PLEKHA1: variants seen among roughly 807,000 people sequenced by gnomAD.
The protein encoded by PLEKHA1 is pleckstrin homology domain containing A1.
In PLEKHA1, 34 loss-of-function variants were observed where a neutral mutation model predicts 52.0. The observed-to-expected ratio is 0.65, with a 90% CI of 0.50 to 0.87. The LOEUF is 0.87. PLEKHA1 is among the 40% of genes least tolerant of loss of function. PLEKHA1 has a pLI of 0.00. For synonymous variants in PLEKHA1, 163 were observed against 170.7 expected (o/e 0.95, Z 0.35); for missense variants, 497 against 504.2 (o/e 0.99, Z 0.14).
chr10:122,412,822 C>G, intron 5 of PLEKHA1, 98 bp from the exon 6 acceptor site: 1 of 1,325,598 alleles, frequency 7.5e-7, no homozygotes, highest in Non-Finnish European at 1.1e-6. Flanking sequence ...TATCTGTCAA[C>G]CGTATGCAAA....
intron 6 of PLEKHA1, among the ~76,000 whole-genome samples, chr10:122,414,377 T>C (rs552817849): frequency 6.6e-6 from 1 of 152,140 alleles, no homozygotes; most frequent in African/African-American, 2.4e-5. Context: ...TATTGCATCA[T>C]TTATTTTGTA....
intron 1 of PLEKHA1, among the ~76,000 whole-genome samples, chr10:122,389,294 CATA>C (rs1246417148): frequency 1.3e-5 from 2 of 152,232 alleles, no homozygotes; most frequent in South Asian, 4.1e-4. Flanking sequence ...GTGGAAACAA[CATA>C]ATCACCTTGC....
At chr10:122,433,064 T>G (rs1329973990), downstream of PLEKHA1, 3 of 152,176 alleles carry the variant, frequency 2.0e-5, no homozygotes, top group African/African-American at 7.2e-5. Flanking sequence ...GTCTAATCCA[T>G]TGTCAGATCC....
At chr10:122,384,017 G>C (rs949320320) in intron 1 of PLEKHA1, among the ~76,000 whole-genome samples, 2 of 151,870 alleles carry the variant, frequency 1.3e-5, no homozygotes, top group Non-Finnish European at 2.9e-5. Context: ...GTGTTGTTCT[G>C]TTCTTGGGAT....
At chr10:122,394,184 C>T (rs1424008861) in intron 2 of PLEKHA1, among the ~76,000 whole-genome samples, 1 of 143,668 alleles carries the variant, frequency 7.0e-6, no homozygotes, top group African/African-American at 2.5e-5. Context: ...AAGTGATTCT[C>T]ATGCCTCAGC....
In PLEKHA1 at chr10:122,417,969, G is replaced by T; in HGVS notation, c.681+1G>T. The T allele has an allele frequency of 1.2e-6, 2 of 1,603,308 alleles. No homozygotes were observed. Among genetic ancestry groups the T allele is most frequent in the Non-Finnish European group, 1.7e-6 (2 of 1,170,696 alleles). On this transcript the variant is annotated splice_donor_variant, in intron 8 of 11. Coordinates refer to ENST00000368990, the MANE Select transcript of PLEKHA1 (RefSeq NM_001001974.4). LOFTEE classifies it high-confidence loss of function. Reference sequence around the variant, plus strand: ...AATAGGCTACTTCAAATCTGAACTGGTATGTTGTTACGTCATAAATGTTGC... The same window carrying T: ...AATAGGCTACTTCAAATCTGAACTGTTATGTTGTTACGTCATAAATGTTGC...
intron 6 of PLEKHA1, among the ~76,000 whole-genome samples, chr10:122,413,799 G>T (rs1051935934): frequency 6.6e-6 from 1 of 152,034 alleles, no homozygotes; most frequent in Admixed American, 6.6e-5. Flanking sequence ...GAGAAACCAA[G>T]AATTTTAAAG....
intron 10 of PLEKHA1, among the ~76,000 whole-genome samples, chr10:122,426,399 G>T (rs546041359): frequency 6.6e-6 from 1 of 151,474 alleles, no homozygotes; most frequent in South Asian, 2.1e-4. Context: ...CTAGAATCTA[G>T]AAACAAGAGG....
intron 1 of PLEKHA1, among the ~76,000 whole-genome samples, chr10:122,376,237 T>G (rs2096532773): frequency 6.6e-6 from 1 of 152,116 alleles, no homozygotes; most frequent in Non-Finnish European, 1.5e-5. Context: ...TAATTTTTCC[T>G]GTTGACACAC....
At chr10:122,386,393 G>C (rs12263466) in intron 1 of PLEKHA1, among the ~76,000 whole-genome samples, 2 of 151,516 alleles carry the variant, frequency 1.3e-5, no homozygotes, top group African/African-American at 4.9e-5. Context: ...ATCATTTGCT[G>C]TCTGGATACA....
intron 11 of PLEKHA1, 79 bp from the exon 12 acceptor site, chr10:122,429,545 C>G: frequency 8.0e-7 from 1 of 1,248,120 alleles, no homozygotes; most frequent in Non-Finnish European, 1.1e-6. Context: ...ATTTGTTTTT[C>G]AGAGAATCAA....
chr10:122,386,136 C>T (rs572246206), intron 1 of PLEKHA1, among the ~76,000 whole-genome samples: 2 of 152,278 alleles, frequency 1.3e-5, no homozygotes, highest in African/African-American at 4.8e-5. Context: ...ACATCTTTGA[C>T]AGCATTTAGT....
At chr10:122,390,812 T>C (rs2133951102) in intron 1 of PLEKHA1, among the ~76,000 whole-genome samples, 1 of 122,988 alleles carries the variant, frequency 8.1e-6, no homozygotes, top group East Asian at 2.8e-4. Flanking sequence ...TGTGTGTACC[T>C]AGGAGTAGAA....
rs1453778109 is a variant in PLEKHA1, at chr10:122,383,298, CTTTTCTTTCTTTCTGTTTTTTTT to C, written c.-21+8501_-21+8523del. Among the ~76,000 whole-genome samples, 159 of 142,554 alleles carry C rather than the reference CTTTTCTTTCTTTCTGTTTTTTTT, an allele frequency of 1.1e-3. 3 individuals carry two copies. The highest frequency in any genetic ancestry group is 2.3e-3 in the Non-Finnish European group (153 of 65,470). The allele number at this position is 142,554 out of a possible 152,430, so 93.5% of individuals were successfully genotyped here. A position where few individuals can be genotyped will look rare whatever the true frequency, so the allele number is the denominator to read the frequency against. ...TTTTTCTTTTCTTTCTTGCTTTTTTCTTTTCTTTCTTTCTGTTTTTTTTTTTTCTTTTTTTTTTTTAGAATGGG... is the reference window on the plus strand; with the variant it reads ...TTTTTCTTTTCTTTCTTGCTTTTTTCTTTTCTTTTTTTTTTTTAGAATGGG... On this transcript the variant is annotated intron_variant, in intron 1 of 11. Transcript: ENST00000368990.
rs117105663 is a variant in PLEKHA1 at position 122,424,273 on chromosome 10, C to T, written c.746+10C>T. ...AGGAATGTAAGCAAAGGTAAGGAAC[C>T]GCTCTGACTTGATGCCTGGCACAAG... is the stretch of plus-strand genomic sequence containing the variant. On this transcript the variant is annotated intron_variant, in intron 9 of 11. Coordinates refer to ENST00000368990, the MANE Select transcript of PLEKHA1 (RefSeq NM_001001974.4). 1.4e-3 allele frequency: 2,232 copies of T among 1,589,196 alleles called. 47 individuals carry two copies. The East Asian group carries it at 0.028, about 20-fold the overall frequency.
chr10:122,435,062 A>C (rs2097433365), downstream of PLEKHA1: 1 of 152,186 alleles, frequency 6.6e-6, no homozygotes, highest in African/African-American at 2.4e-5. Flanking sequence ...AACAAAAAGG[A>C]AATCCCTTTC....
intron 11 of PLEKHA1, 111 bp downstream of exon 11, chr10:122,427,142 T>C: frequency 1.1e-5 from 11 of 1,014,510 alleles, no homozygotes; most frequent in Non-Finnish European, 1.6e-5. Flanking sequence ...TATTTGCATG[T>C]TGACTTTTAT....
intron 5 of PLEKHA1, among the ~76,000 whole-genome samples, chr10:122,410,979 A>C (rs767313337): frequency 6.6e-6 from 1 of 152,300 alleles, no homozygotes; most frequent in East Asian, 1.9e-4. Flanking sequence ...TGTCAGAATA[A>C]TTGAAATATA....
chr10:122,431,862 C>T lies in PLEKHA1; in HGVS notation c.*1924C>T, dbSNP rs1377160660. 2 of 151,900 alleles carry T rather than the reference C, an allele frequency of 1.3e-5. No homozygotes were observed. The highest frequency in any genetic ancestry group is 4.8e-5 in the African/African-American group (2 of 41,328). The allele number at this position is 151,900 out of a possible 1,614,324, so 9.4% of individuals were successfully genotyped here. A position where few individuals can be genotyped will look rare whatever the true frequency, so the allele number is the denominator to read the frequency against. On this transcript the variant is annotated 3_prime_UTR_variant, in exon 12 of 12. Coordinates refer to ENST00000368990, the MANE Select transcript of PLEKHA1 (RefSeq NM_001001974.4). ...TTTTTGAAAGTTCCTTTTTCATGAA[C>T]ACACCCGAGAAATCTTAAATAGACA...
Sources: allele counts gnomAD v4.1 joint callset (sites outside exome capture counted in the v4.1 genomes callset), GRCh38; gene constraint gnomAD v4.1.1; transcripts MANE v1.5; gene names NCBI Gene and HGNC (gene_info 2026-07-23, HGNC 2026-07-21).